MORN4: variants seen among roughly 807,000 people sequenced by gnomAD.
MORN4 encodes the protein MORN repeat containing 4.
In MORN4, 8 loss-of-function variants were observed where a neutral mutation model predicts 16.4. The ratio of observed to expected loss-of-function variants is 0.49; its 90% CI spans 0.29 to 0.88. The LOEUF (loss-of-function observed/expected upper bound fraction) is 0.88. Among genes scored for constraint, MORN4 ranks in the 40% least tolerant of loss-of-function variants. MORN4 has a pLI of 0.09. For missense variants in MORN4, 159 were observed against 182.9 expected (o/e 0.87, Z 0.75); for synonymous variants, 53 against 68.9 (o/e 0.77, Z 1.14).
At chr10:97,620,739 A>G (rs938880405) in intron 1 of MORN4, among the ~76,000 whole-genome samples, 16 of 152,070 alleles carry the variant, frequency 1.1e-4, no homozygotes, top group Non-Finnish European at 7.4e-5. Flanking sequence ...GCACTTTGGG[A>G]GGCCGAGGTG....
intron 1 of MORN4, among the ~76,000 whole-genome samples, chr10:97,621,707 T>A (rs926481493): frequency 6.6e-6 from 1 of 151,942 alleles, no homozygotes; most frequent in Admixed American, 6.6e-5. Flanking sequence ...CTACTAAAGA[T>A]ACAAAACATT....
At chr10:97,616,904 A>G (rs2041241288) in intron 3 of MORN4, 117 bp from the exon 4 acceptor site, 2 of 748,396 alleles carry the variant, frequency 2.7e-6, no homozygotes. Flanking sequence ...CGATTCTACC[A>G]GTCACATAGC....
intron 1 of MORN4, among the ~76,000 whole-genome samples, chr10:97,621,901 C>G (rs926457816): frequency 1.4e-4 from 21 of 152,216 alleles, no homozygotes; most frequent in African/African-American, 4.8e-4. Context: ...ATTCCTCCAC[C>G]TGCTGGACCT....
At chr10:97,618,810 G>C (rs147286845) in intron 2 of MORN4, among the ~76,000 whole-genome samples, 1 of 140,848 alleles carries the variant, frequency 7.1e-6, no homozygotes, top group Non-Finnish European at 1.5e-5. Flanking sequence ...TTTTTCCTCA[G>C]AGAGGCAATG....
At chr10:97,620,588 A>C (rs1264268400) in intron 1 of MORN4, among the ~76,000 whole-genome samples, 1 of 151,862 alleles carries the variant, frequency 6.6e-6, no homozygotes, top group Non-Finnish European at 1.5e-5. Flanking sequence ...GAGATGTTCC[A>C]TGGCAAAATA....
At chr10:97,620,488 C>CAAAAAAAAAAAAAA (rs1210683127) in intron 1 of MORN4, among the ~76,000 whole-genome samples, 6 of 41,168 alleles carry the variant, frequency 1.5e-4, no homozygotes, top group South Asian at 9.0e-4. Context: ...GACTCTGTCT[C>CAAAAAAAAAAAAAA]AAAAAAAAAA....
intron 1 of MORN4, among the ~76,000 whole-genome samples, chr10:97,627,293 G>T (rs1215474303): frequency 1.3e-5 from 2 of 151,236 alleles, no homozygotes; most frequent in Non-Finnish European, 2.9e-5. Flanking sequence ...ACAGGTGTGT[G>T]CCACCACGCC....
chr10:97,616,491 T>G (rs2041237537), intron 4 of MORN4, 80 bp from the exon 5 acceptor site: 3 of 1,479,394 alleles, frequency 2.0e-6, no homozygotes, highest in Non-Finnish European at 1.8e-6. Flanking sequence ...GGCCTTGATA[T>G]GTCCAGGCCA....
chr10:97,621,601 C>T (rs953662975), intron 1 of MORN4, among the ~76,000 whole-genome samples: 1 of 152,128 alleles, frequency 6.6e-6, no homozygotes, highest in Admixed American at 6.5e-5. Context: ...CAGAGTTGGC[C>T]GGGTGCGGTG....
At chr10:97,631,210 T>A (rs1344026254) in intron 1 of MORN4, among the ~76,000 whole-genome samples, 1 of 152,164 alleles carries the variant, frequency 6.6e-6, no homozygotes, top group Non-Finnish European at 1.5e-5. Context: ...ATCATATTTT[T>A]AAAGAGAATA....
intron 1 of MORN4, among the ~76,000 whole-genome samples, chr10:97,621,174 A>C (rs2041289935): frequency 6.6e-6 from 1 of 152,114 alleles, no homozygotes; most frequent in Admixed American, 6.6e-5. Context: ...AATCTCATGG[A>C]TTTAGCCCAA....
At chr10:97,630,088 C>A (rs1315563016) in intron 1 of MORN4, among the ~76,000 whole-genome samples, 1 of 152,106 alleles carries the variant, frequency 6.6e-6, no homozygotes, top group Non-Finnish European at 1.5e-5. Context: ...CCATGCCCAG[C>A]TAATTTTTTT....
intron 1 of MORN4, among the ~76,000 whole-genome samples, chr10:97,625,826 C>T (rs1022683479): frequency 3.3e-5 from 5 of 152,086 alleles, no homozygotes; most frequent in Admixed American, 6.6e-5. Context: ...GGTGTGCAAT[C>T]GCTTGATCAT....
At chr10:97,620,824 T>C (rs2041284209) in intron 1 of MORN4, among the ~76,000 whole-genome samples, 1 of 151,236 alleles carries the variant, frequency 6.6e-6, no homozygotes, top group Non-Finnish European at 1.5e-5. Flanking sequence ...AAATGTAAAA[T>C]TAAAAAACAA....
intron 1 of MORN4, among the ~76,000 whole-genome samples, chr10:97,623,456 C>A (rs2041321390): frequency 6.6e-6 from 1 of 152,096 alleles, no homozygotes; most frequent in African/African-American, 2.4e-5. Context: ...AAAAAAAAGT[C>A]CCCTCTGATT....
chr10:97,630,288 TG>T (rs2041385579), intron 1 of MORN4, among the ~76,000 whole-genome samples: 1 of 151,878 alleles, frequency 6.6e-6, no homozygotes, highest in African/African-American at 2.4e-5. Flanking sequence ...AGGATGGTCT[TG>T]ATCTCCTGAT....
At chr10:97,617,391 G>T in intron 2 of MORN4, 69 bp from the exon 3 acceptor site, 2 of 1,171,222 alleles carry the variant, frequency 1.7e-6, no homozygotes, top group Non-Finnish European at 1.3e-6. Flanking sequence ...TACTCTTGTA[G>T]CATCCCTTAC....
At chr10:97,623,838 C>T (rs2041325623) in intron 1 of MORN4, among the ~76,000 whole-genome samples, 1 of 151,776 alleles carries the variant, frequency 6.6e-6, no homozygotes, top group Non-Finnish European at 1.5e-5. Flanking sequence ...CGGGTTCATG[C>T]CATTCTCCTG....
chr10:97,626,664 C>T (rs575615797), intron 1 of MORN4, among the ~76,000 whole-genome samples: 1 of 150,882 alleles, frequency 6.6e-6, no homozygotes, highest in East Asian at 2.0e-4. Context: ...CCATGTTGGT[C>T]AGGCTGGTCT....
Sources: allele counts gnomAD v4.1 joint callset (sites outside exome capture counted in the v4.1 genomes callset), GRCh38; gene constraint gnomAD v4.1.1; transcripts MANE v1.5; gene names NCBI Gene and HGNC (gene_info 2026-07-23, HGNC 2026-07-21).